The following UBA5 variants were observed in gnomAD, a reference collection of about 807,000 sequenced individuals.
The protein encoded by UBA5 is ubiquitin-like modifier-activating enzyme 5.
A neutral mutation model predicts 52.9 loss-of-function variants in UBA5; 28 were observed. The ratio of observed to expected loss-of-function variants is 0.53; its 90% confidence interval spans 0.39 to 0.73. The LOEUF (loss-of-function observed/expected upper bound fraction) is 0.73. Ranked by LOEUF, UBA5 falls within the 30% of genes least tolerant of loss-of-function variation. The pLI is 0.00. For synonymous variants in UBA5, 135 were observed against 162.1 expected, an observed-to-expected ratio of 0.83 and a Z score of 1.27; for missense variants, 388 against 492.7, an observed-to-expected ratio of 0.79 and a Z score of 2.01.
intron 3 of UBA5, chr3:132,668,158 AGTGTGTGTGTGTGTGT>A (rs10596982): frequency 1.1e-4 from 16 of 146,022 alleles, no homozygotes; most frequent in Admixed American, 3.4e-4. Flanking sequence ...TGGCCATTTT[AGTGTGTGTGTGTGTGT>A]GTGTGTGTGT....
Position 132,679,673 on chromosome 3 carries a change from G to A in UBA5, c.*3147G>A, listed in dbSNP as rs1159444017. On this transcript the variant is annotated 3_prime_UTR_variant, in exon 12 of 12. Transcript: ENST00000356232. ...TTATCAGGGTTCTTCTAGAGTACTGGTCTCATTATTTTCTAAAGCAGTTTT... is the reference window on the plus strand; with the variant it reads ...TTATCAGGGTTCTTCTAGAGTACTGATCTCATTATTTTCTAAAGCAGTTTT... Among the ~76,000 whole-genome samples, 1 of 152,056 alleles carries A rather than the reference G, an allele frequency of 6.6e-6. No individual in the cohort carries two copies. Among genetic ancestry groups the A allele is most frequent in the Non-Finnish European group, 1.5e-5 (1 of 67,992 alleles).
At chr3:132,657,626 G>T (rs186813913), upstream of UBA5, among the ~76,000 whole-genome samples, 2 of 151,934 alleles carry the variant, frequency 1.3e-5, no homozygotes, top group Non-Finnish European at 2.9e-5. Flanking sequence ...CTCTACAAAG[G>T]TATTGCACAT....
rs887887339 is a variant in UBA5, at chr3:132,671,771, A to C, written c.580-6A>C. 1.0e-5 allele frequency: 16 copies of C among 1,603,738 alleles called. No homozygotes were observed. The highest frequency in any genetic ancestry group is 1.2e-5 in the Non-Finnish European group (14 of 1,176,578). On this transcript the variant is annotated splice_polypyrimidine_tract_variant and splice_region_variant and intron_variant, in intron 6 of 11. Transcript: ENST00000356232. ...TTTCCTTATGTTTTCACCCATTTCT[A>C]CTAAGGCTTGTAATGAACTTGGACA...
chr3:132,670,181 C>T lies in UBA5; in HGVS notation c.408-17C>T. On this transcript the variant is annotated splice_polypyrimidine_tract_variant and intron_variant, in intron 4 of 11. Transcript: ENST00000356232. ...CTAGGATTACAGGCTTATAATCATT[C>T]CCTTTTTCCTTCTTAGGAACATTAA... 8.2e-7 allele frequency: 1 copy of T among 1,219,906 alleles called. No homozygotes were observed. The highest frequency in any genetic ancestry group is 1.2e-6 in the Non-Finnish European group (1 of 833,806). The allele number at this position is 1,219,906 out of a possible 1,614,324, so 75.6% of individuals were successfully genotyped here.
rs1304703173 is a variant in UBA5 at position 132,677,573 on chromosome 3, GGT to G, written c.*1048_*1049del. ...AGTAATGAAGACTTAAGAGAACCTT[GGT>G]TGAAATAAATTTCCAATAGTTTGGA... On this transcript the variant is annotated 3_prime_UTR_variant, in exon 12 of 12. Transcript: ENST00000356232. 2 of 152,116 alleles carry G rather than the reference GGT, an allele frequency of 1.3e-5. No individual in the cohort carries two copies. Among genetic ancestry groups the G allele is most frequent in the African/African-American group, 4.8e-5 (2 of 41,424 alleles). 9.4% of individuals were successfully genotyped at this position (152,116 alleles called of 1,614,324 possible). A position where few individuals can be genotyped will look rare whatever the true frequency, so the allele number is the denominator to read the frequency against.
At chr3:132,668,082 C>T (rs1402782180) in intron 3 of UBA5, 1 of 151,584 alleles carries the variant, frequency 6.6e-6, no homozygotes, top group Admixed American at 6.6e-5. Context: ...CACAGAATTT[C>T]ATATGAAGAA....
intron 1 of UBA5, among the ~76,000 whole-genome samples, chr3:132,663,852 TATGGTACAAATGATAC>T (rs1938267222): frequency 6.6e-6 from 1 of 152,124 alleles, no homozygotes; most frequent in Admixed American, 6.6e-5. Context: ...TGAGAGAAGA[TATGGTACAAATGATAC>T]AGGAACAAGG....
intron 1 of UBA5, among the ~76,000 whole-genome samples, chr3:132,655,303 GT>G (rs967128728): frequency 2.3e-4 from 35 of 151,990 alleles, no homozygotes; most frequent in African/African-American, 8.2e-4. Context: ...CAGAGATTCT[GT>G]TTTTTTTGTT....
At chr3:132,675,479 C>A in intron 9 of UBA5, 96 bp downstream of exon 9, 1 of 1,513,774 alleles carries the variant, frequency 6.6e-7, no homozygotes. Context: ...AATTTATTCA[C>A]CATACTTCAA....
chr3:132,671,739 TA>T, intron 6 of UBA5, 37 bp from the exon 7 acceptor site: 1 of 1,445,446 alleles, frequency 6.9e-7, no homozygotes, highest in Non-Finnish European at 9.4e-7. Context: ...CTTGCTCTTT[TA>T]TTTTTTTTCC....
rs181965584 is a variant in UBA5, at chr3:132,678,463, C to T, written c.*1937C>T. Among the ~76,000 whole-genome samples the T allele has an allele frequency of 5.2e-3, 796 of 152,232 alleles. 9 individuals carry two copies. The highest frequency in any genetic ancestry group is 3.9e-3 in the Non-Finnish European group (264 of 68,012). ...TCCCAGAATTGGCTTAGCACAGAGA[C>T]TCTAAATGATAGTAAAACAACATAT... is the stretch of plus-strand genomic sequence containing the variant. On this transcript the variant is annotated 3_prime_UTR_variant, in exon 12 of 12. Transcript: ENST00000356232.
Position 132,660,439 on chromosome 3 carries a change from T to C in UBA5, c.-99T>C. ...CTGGGCTAGGAAGGCAGCGGCGAGG[T>C]GCCTCCCCACGTACCCCTCGCGGGC... On this transcript the variant is annotated 5_prime_UTR_variant, in exon 1 of 12. Coordinates refer to ENST00000356232, the MANE Select transcript of UBA5 (RefSeq NM_024818.6). This position sits in a 1 kb window ranked among gnomAD's most constrained non-coding sequence, Gnocchi z 4.1. 1 of 1,450,584 alleles carries C rather than the reference T, an allele frequency of 6.9e-7. No individual in the cohort carries two copies. Among genetic ancestry groups the C allele is most frequent in the East Asian group, 2.5e-5 (1 of 40,382 alleles). The allele number at this position is 1,450,584 out of a possible 1,614,324, so 89.9% of individuals were successfully genotyped here.
In UBA5 at chr3:132,679,182, C is replaced by T. The variant is rs1028606155; in HGVS notation, c.*2656C>T. ...ACTTAGGAGGCTGAGGCAGGAGAAT[C>T]GCTTGAACCTGGGAGGCAGAGGTTG... On this transcript the variant is annotated 3_prime_UTR_variant, in exon 12 of 12. Coordinates refer to ENST00000356232, the MANE Select transcript of UBA5 (RefSeq NM_024818.6). Among the ~76,000 whole-genome samples, 4 of 151,718 alleles carry T rather than the reference C, an allele frequency of 2.6e-5. No homozygotes were observed. The highest frequency in any genetic ancestry group is 7.3e-5 in the African/African-American group (3 of 41,326).
chr3:132,660,138 C>T (rs1448256566), upstream of UBA5: 7 of 342,474 alleles, frequency 2.0e-5, no homozygotes, highest in African/African-American at 1.3e-4. The surrounding 1 kb of genome is among the most constrained non-coding windows in gnomAD (Gnocchi z 4.1). Flanking sequence ...AGAAAAAGGG[C>T]CGTCAGACTG....
chr3:132,659,457 T>C, upstream of UBA5: 1 of 1,146,884 alleles, frequency 8.7e-7, no homozygotes, highest in East Asian at 2.8e-5. Context: ...GGGCCGGCAA[T>C]AGCAGCTCAT....
chr3:132,659,505 T>C (rs1038970306), upstream of UBA5: 4 of 1,542,578 alleles, frequency 2.6e-6, no homozygotes, highest in Admixed American at 7.8e-5. Flanking sequence ...GGAAAAGCAA[T>C]CAGGGTGGGA....
At chr3:132,659,556 C>A (rs372359137), upstream of UBA5, 18 of 1,606,470 alleles carry the variant, frequency 1.1e-5, no homozygotes, top group African/African-American at 2.3e-4. Context: ...AAGGAAAACT[C>A]AATGTACAAA....
Position 132,676,685 on chromosome 3 carries a change from C to G in UBA5, c.*159C>G. ...AAATCCTGTGACTTGCCTGTTTCTC[C>G]CCGCTCCAACGAAATCATTAACTCT... On this transcript the variant is annotated 3_prime_UTR_variant, in exon 12 of 12. Transcript: ENST00000356232. This position sits in a 1 kb window ranked among gnomAD's most constrained non-coding sequence, Gnocchi z 4.1. The G allele has an allele frequency of 1.6e-6, 1 of 617,018 alleles. No individual in the cohort carries two copies. Among genetic ancestry groups the G allele is most frequent in the Non-Finnish European group, 2.9e-6 (1 of 343,428 alleles). The allele number at this position is 617,018 out of a possible 1,614,324, so 38.2% of individuals were successfully genotyped here.
chr3:132,669,936 G>A (rs1022785512), intron 4 of UBA5, among the ~76,000 whole-genome samples: 2 of 152,272 alleles, frequency 1.3e-5, no homozygotes, highest in South Asian at 2.1e-4. Flanking sequence ...GCTTGAATTC[G>A]CTTCTCTAAG....
Sources: allele counts gnomAD v4.1 joint callset (sites outside exome capture counted in the v4.1 genomes callset), GRCh38; gene constraint gnomAD v4.1.1; non-coding constraint Gnocchi (gnomAD v3.1); transcripts MANE v1.5; gene names NCBI Gene and HGNC (gene_info 2026-07-23, HGNC 2026-07-21).